MCMDC2: variants seen among roughly 807,000 people sequenced by gnomAD.
The protein encoded by MCMDC2 is minichromosome maintenance domain-containing protein 2.
MCMDC2 carries 54 observed loss-of-function variants against 75.8 expected under a neutral mutation model. The ratio of observed to expected loss-of-function variants is 0.71; its 90% CI spans 0.57 to 0.89. MCMDC2 has a LOEUF of 0.89. Among genes scored for constraint, MCMDC2 ranks in the 40% least tolerant of loss-of-function variants. The pLI is 0.00. For missense variants in MCMDC2, 656 were observed against 780.4 expected (o/e 0.84, Z 1.90); for synonymous variants, 249 against 274.6 (o/e 0.91, Z 0.92).
rs1180132579 is a variant in MCMDC2, at chr8:66,920,408, AC to A, written c.*1240del. Reference sequence around the variant, plus strand: ...GCTAATTTTTGTATTTTTAGTAGAGACAGGGTTTCACCATGTTGGCCAGGCT... The same window carrying A: ...GCTAATTTTTGTATTTTTAGTAGAGAAGGGTTTCACCATGTTGGCCAGGCT... On this transcript the variant is annotated 3_prime_UTR_variant, in exon 15 of 15. Transcript: ENST00000422365. 6.6e-6 allele frequency: 1 copy of A among 152,124 alleles called. No individual in the cohort carries two copies. The highest frequency in any genetic ancestry group is 1.5e-5 in the Non-Finnish European group (1 of 68,106). The allele number at this position is 152,124 out of a possible 1,614,324, so 9.4% of individuals were successfully genotyped here.
chr8:66,880,619 C>A (rs1040361286), intron 7 of MCMDC2, among the ~76,000 whole-genome samples: 6 of 152,106 alleles, frequency 3.9e-5, no homozygotes, highest in African/African-American at 1.2e-4. Flanking sequence ...ATATCACATG[C>A]TTCTTGAAGT....
At chr8:66,907,278 C>T (rs1156489737) in intron 14 of MCMDC2, among the ~76,000 whole-genome samples, 3 of 152,012 alleles carry the variant, frequency 2.0e-5, no homozygotes, top group South Asian at 2.1e-4. Context: ...TCCCTGTGTC[C>T]GTGTGTTCTA....
intron 10 of MCMDC2, among the ~76,000 whole-genome samples, chr8:66,892,929 G>T (rs1002667374): frequency 1.3e-5 from 2 of 152,210 alleles, no homozygotes; most frequent in Non-Finnish European, 2.9e-5. Context: ...TGGTCATGGT[G>T]TATAATTCTT....
chr8:66,892,634 G>A (rs1812164343), intron 10 of MCMDC2, among the ~76,000 whole-genome samples: 1 of 152,078 alleles, frequency 6.6e-6, no homozygotes, highest in Non-Finnish European at 1.5e-5. Flanking sequence ...TCCATGGGTG[G>A]GCCCAGAAAA....
intron 1 of MCMDC2, among the ~76,000 whole-genome samples, chr8:66,872,295 TCTCTTC>T (rs1243872446): frequency 6.6e-6 from 1 of 152,194 alleles, no homozygotes; most frequent in African/African-American, 2.4e-5. Flanking sequence ...ACTTTCTCTT[TCTCTTC>T]ACCTCTCCTC....
chr8:66,905,261 T>G lies in MCMDC2; in HGVS notation c.1805T>G (p.Leu602Ter). 3 of 1,498,940 alleles carry G rather than the reference T, an allele frequency of 2.0e-6. No individual in the cohort carries two copies. Among genetic ancestry groups the G allele is most frequent in the Non-Finnish European group, 2.7e-6 (3 of 1,121,050 alleles). 92.9% of individuals were successfully genotyped at this position (1,498,940 alleles called of 1,614,324 possible). ...TCTGAAGCCCATGCACGACTGAACTTAAGGAACAAAGTGCTTAAAGAAGAT... is the reference window on the plus strand; with the variant it reads ...TCTGAAGCCCATGCACGACTGAACTGAAGGAACAAAGTGCTTAAAGAAGAT... ...FLSEAHARLN[L>*]RNKVLKEDVL... Residue 602 changes from leucine (L) to a stop codon, truncating the protein, a stop_gained, in exon 14 of 15, where the codon TTA becomes TGA. Coordinates refer to ENST00000422365, the MANE Select transcript of MCMDC2 (RefSeq NM_173518.5). LOFTEE classifies it high-confidence loss of function.
intron 14 of MCMDC2, among the ~76,000 whole-genome samples, chr8:66,916,564 G>T (rs1015943411): frequency 6.6e-6 from 1 of 152,170 alleles, no homozygotes; most frequent in African/African-American, 2.4e-5. Context: ...AGCACAAGAT[G>T]AATGGTTGGG....
chr8:66,883,953 G>A lies in MCMDC2; in HGVS notation c.1032G>A (p.Leu344=). Residue 344 remains leucine, a synonymous_variant, in exon 9 of 15, where the codon CTG becomes CTA. Coordinates refer to ENST00000422365, the MANE Select transcript of MCMDC2 (RefSeq NM_173518.5). ...TDRNKELEDC[L]DILIITSDTL... ...GTAACAAGGAACTGGAAGATTGCCTGGATATTTTAATTATAACAAGTGATA... is the reference window on the plus strand; with the variant it reads ...GTAACAAGGAACTGGAAGATTGCCTAGATATTTTAATTATAACAAGTGATA... The A allele has an allele frequency of 6.2e-7, 1 of 1,613,556 alleles. No individual in the cohort carries two copies. Among genetic ancestry groups the A allele is most frequent in the Non-Finnish European group, 8.5e-7 (1 of 1,179,744 alleles).
At chr8:66,883,700 A>AT (rs1811700234) in intron 8 of MCMDC2, 57 bp from the exon 9 acceptor site, 1 of 909,052 alleles carries the variant, frequency 1.1e-6, no homozygotes, top group Non-Finnish European at 1.7e-6. Flanking sequence ...TCAAATATCT[A>AT]TAATGTTGTC....
intron 8 of MCMDC2, among the ~76,000 whole-genome samples, chr8:66,882,673 G>T (rs914527163): frequency 2.0e-5 from 3 of 152,068 alleles, no homozygotes; most frequent in African/African-American, 7.2e-5. Flanking sequence ...CCAAGATGAA[G>T]TTTCTTTAGC....
intron 7 of MCMDC2, among the ~76,000 whole-genome samples, chr8:66,879,611 A>G (rs187430707): frequency 3.0e-4 from 46 of 152,290 alleles, no homozygotes; most frequent in Non-Finnish European, 6.2e-4. Flanking sequence ...AAAAAAAGCA[A>G]TTGACTTGTT....
chr8:66,895,363 CTCCTTCT>C lies in MCMDC2; in HGVS notation c.1280-790_1280-784del, dbSNP rs559353806. ...TGGCCCTGGCCTCTTTCTTCTTCTT[CTCCTTCT>C]TCCTTCTTCCTTCTTCTTCTTCTTT... On this transcript the variant is annotated intron_variant, in intron 10 of 14. Coordinates refer to ENST00000422365, the MANE Select transcript of MCMDC2 (RefSeq NM_173518.5). Among the ~76,000 whole-genome samples, 37 of 151,388 alleles carry C rather than the reference CTCCTTCT, an allele frequency of 2.4e-4. 2 individuals are homozygous for C. In the South Asian group the frequency reaches 6.3e-3, roughly 26 times the overall value.
At chr8:66,880,062 C>G (rs1186132109) in intron 7 of MCMDC2, among the ~76,000 whole-genome samples, 3 of 152,096 alleles carry the variant, frequency 2.0e-5, no homozygotes, top group African/African-American at 7.2e-5. Flanking sequence ...TTGAACTCAT[C>G]CAAAGTGTTG....
downstream of MCMDC2, among the ~76,000 whole-genome samples, chr8:66,924,296 A>AC (rs1205555690): frequency 6.6e-6 from 1 of 152,068 alleles, no homozygotes; most frequent in African/African-American, 2.4e-5. Flanking sequence ...GAAGAAAAAA[A>AC]AAAACCTATA....
At chr8:66,918,028 A>T (rs1239123694) in intron 14 of MCMDC2, among the ~76,000 whole-genome samples, 2 of 152,234 alleles carry the variant, frequency 1.3e-5, no homozygotes, top group East Asian at 3.8e-4. Flanking sequence ...ACAGTGCACA[A>T]AGCTTCTAAT....
At chr8:66,904,892 T>C (rs761381406) in intron 13 of MCMDC2, among the ~76,000 whole-genome samples, 4 of 152,148 alleles carry the variant, frequency 2.6e-5, no homozygotes, top group Non-Finnish European at 4.4e-5. Context: ...AATGAAGGAC[T>C]AAAAGAAAAA....
rs905544467 is a variant in MCMDC2 at position 66,878,883 on chromosome 8, C to T, written c.673C>T (p.Pro225Ser). 6.2e-6 allele frequency: 10 copies of T among 1,609,510 alleles called. No individual in the cohort carries two copies. Among genetic ancestry groups the T allele is most frequent in the Non-Finnish European group, 8.5e-6 (10 of 1,178,136 alleles). Residue 225 changes from proline (P) to serine (S), a missense_variant, in exon 7 of 15, where the codon CCA becomes TCA. Coordinates refer to ENST00000422365, the MANE Select transcript of MCMDC2 (RefSeq NM_173518.5). ...RAFQGYSNNQ[P>S]FRFQSLTIFL... Reference sequence around the variant, plus strand: ...TTTTCAAGGATATTCTAACAACCAGCCATTTAGGTTTCAATCACTTACAAT... The same window carrying T: ...TTTTCAAGGATATTCTAACAACCAGTCATTTAGGTTTCAATCACTTACAAT...
In MCMDC2 at chr8:66,876,534, T is replaced by C. The variant is rs149128352; in HGVS notation, c.286-815T>C. ...GGGGGTCCCTTCAAGGTTGCTCCTA[T>C]GTCCTTTTGACACAGGCCATTTGTT... On this transcript the variant is annotated intron_variant, in intron 4 of 14. Transcript: ENST00000422365. Among the ~76,000 whole-genome samples the C allele has an allele frequency of 7.5e-3, 1,144 of 152,206 alleles. 9 individuals are homozygous for C. Among genetic ancestry groups the C allele is most frequent in the Middle Eastern group, 0.024 (7 of 294 alleles).
rs1321444962 is a variant in MCMDC2, at chr8:66,890,596, T to C, written c.1074-269T>C. On this transcript the variant is annotated intron_variant, in intron 9 of 14. Transcript: ENST00000422365. ...GGCTGGAGTGCACAATCTTTGCTCA[T>C]TGCAACCTCTGCCTTCCAGGTTCAA... Among the ~76,000 whole-genome samples, 3 of 152,216 alleles carry C rather than the reference T, an allele frequency of 2.0e-5. No individual in the cohort carries two copies. The East Asian group carries it at 5.8e-4, about 29-fold the overall frequency.
Sources: gnomAD v4.1 joint callset for allele counts (sites outside exome capture counted in the v4.1 genomes callset) on GRCh38, gnomAD v4.1.1 for gene constraint, MANE v1.5 for transcripts, NCBI Gene and HGNC (gene_info 2026-07-23, HGNC 2026-07-21) for gene names.